Variants in RAB37 observed in about 807,000 individuals in gnomAD.
The protein encoded by RAB37 is RAB37, member RAS oncogene family.
RAB37 carries 29 observed loss-of-function variants against 33.1 expected under a neutral mutation model. The ratio of observed to expected loss-of-function variants is 0.88; its 90% CI spans 0.65 to 1.20. RAB37 has a LOEUF of 1.20. Among genes scored for constraint, RAB37 ranks in the 50% most tolerant of loss-of-function variants. RAB37 has a pLI of 0.00. For missense variants in RAB37, 299 were observed against 301.1 expected, an observed-to-expected ratio of 0.99 and a Z score of 0.05; for synonymous variants, 128 against 119.5, an observed-to-expected ratio of 1.07 and a Z score of -0.47.
chr17:74,695,247 G>A (rs2032319909), intron 1 of RAB37: 1 of 1,613,944 alleles, frequency 6.2e-7, no homozygotes, highest in East Asian at 2.2e-5. Flanking sequence ...CTTCGGCAAG[G>A]AAGCCTGCAG....
intron 1 of RAB37, among the ~76,000 whole-genome samples, chr17:74,709,192 C>G (rs2033771288): frequency 6.6e-6 from 1 of 151,708 alleles, no homozygotes; most frequent in African/African-American, 2.4e-5. Flanking sequence ...CCACTGCACT[C>G]CAGCCTGGAG....
At chr17:74,732,676 G>GTGTGATTTGATGTGTGTGT (rs2034403690), upstream of RAB37, among the ~76,000 whole-genome samples, 3 of 91,916 alleles carry the variant, frequency 3.3e-5, no homozygotes, top group African/African-American at 7.9e-5. Context: ...TGTGTATGTG[G>GTGTGATTTGATGTGTGTGT]CGTGAGATGT....
At chr17:74,692,641 AT>A (rs2032182183) in intron 1 of RAB37, among the ~76,000 whole-genome samples, 1 of 151,644 alleles carries the variant, frequency 6.6e-6, no homozygotes, top group African/African-American at 2.4e-5. Context: ...CCTCCCTACA[AT>A]CCCCCCATCC....
At chr17:74,740,353 C>G (rs2034582272) in intron 1 of RAB37, among the ~76,000 whole-genome samples, 1 of 152,230 alleles carries the variant, frequency 6.6e-6, no homozygotes, top group Non-Finnish European at 1.5e-5. Flanking sequence ...TAGCCCAGCC[C>G]ATGCGTGTAC....
intron 1 of RAB37, among the ~76,000 whole-genome samples, chr17:74,674,094 T>TGAA (rs946315122): frequency 6.6e-6 from 1 of 152,158 alleles, no homozygotes; most frequent in Non-Finnish European, 1.5e-5. Context: ...ATTCTTTTTT[T>TGAA]GAAGTGGGGT....
chr17:74,712,599 C>T (rs2034050142), intron 1 of RAB37, among the ~76,000 whole-genome samples: 1 of 152,206 alleles, frequency 6.6e-6, no homozygotes, highest in Non-Finnish European at 1.5e-5. Context: ...CATGATCAGC[C>T]CCTGGGGGTC....
intron 1 of RAB37, among the ~76,000 whole-genome samples, chr17:74,723,259 C>T (rs2034264293): frequency 6.6e-6 from 1 of 152,154 alleles, no homozygotes; most frequent in Non-Finnish European, 1.5e-5. Context: ...TTCCCCTTTG[C>T]CTTGATTGTC....
At chr17:74,717,034 C>T (rs2034173602) in intron 1 of RAB37, among the ~76,000 whole-genome samples, 1 of 152,164 alleles carries the variant, frequency 6.6e-6, no homozygotes, top group Admixed American at 6.5e-5. Context: ...GCTCAGGAGG[C>T]TGAGGCAGGA....
chr17:74,737,309 G>A lies in RAB37; in HGVS notation c.37G>A (p.Gly13Ser), dbSNP rs761750066. The change falls in exon 1 of 9, where the codon GGC becomes AGC. Residue 13 changes from glycine (G) to serine (S), a missense_variant. Gly to Ser is a moderately conservative substitution (Grantham distance 56, BLOSUM62 0). Coordinates refer to ENST00000392613, the MANE Select transcript of RAB37 (RefSeq NM_001006638.3). The part of the protein sequence containing the change: ...GTPGAVATRD[G>S]EAPERSPPCS... The stretch of plus-strand genomic sequence containing the variant: ...GCCAGGCGCCGTTGCCACCCGGGAT[G>A]GCGAGGCCCCCGAGCGCTCCCCGCC... 5 of 1,577,664 alleles carry A rather than the reference G, an allele frequency of 3.2e-6. No homozygotes were observed. The highest frequency in any genetic ancestry group is 4.3e-6 in the Non-Finnish European group (5 of 1,169,154).
intron 2 of RAB37, among the ~76,000 whole-genome samples, chr17:74,732,251 C>T (rs888344402): frequency 6.6e-6 from 1 of 152,184 alleles, no homozygotes; most frequent in African/African-American, 2.4e-5. Flanking sequence ...AGTAAAACCA[C>T]GTGGGGGGCC....
chr17:74,707,953 G>C (rs928479495), intron 1 of RAB37, among the ~76,000 whole-genome samples: 1 of 151,816 alleles, frequency 6.6e-6, no homozygotes, highest in African/African-American at 2.4e-5. Flanking sequence ...TTCAAGACCA[G>C]CCTGGCCAAC....
Position 74,745,072 on chromosome 17 carries a change from T to TG in RAB37, c.556dup (p.Ala186GlyfsTer16). The TG allele has an allele frequency of 4.3e-6, 7 of 1,614,186 alleles. No homozygotes were observed. Among genetic ancestry groups the TG allele is most frequent in the Non-Finnish European group, 5.9e-6 (7 of 1,180,028 alleles). Reference sequence around the variant, plus strand: ...GGCATGAATGTGGAGTTAGCCTTTCTGGCCATCGCCAAGTGAGAGCTGGGC... The same window carrying TG: ...GGCATGAATGTGGAGTTAGCCTTTCTGGGCCATCGCCAAGTGAGAGCTGGGC... On this transcript the variant is annotated frameshift_variant, in exon 8 of 9. Coordinates refer to ENST00000392613, the MANE Select transcript of RAB37 (RefSeq NM_001006638.3). LOFTEE classifies it high-confidence loss of function. The surrounding 1 kb of genome is among the most constrained non-coding windows in gnomAD (Gnocchi z 4.5).
At position 74,671,388 on chromosome 17, in the gene RAB37, C is replaced by A; in HGVS notation, c.-199C>A. The stretch of plus-strand genomic sequence containing the variant: ...TGTTCCTGGTGCTGAAACGCTCAGT[C>A]CTGGAAGAACGTGGCCGCCTGCCCG... On this transcript the variant is annotated 5_prime_UTR_variant, in exon 1 of 8. Coordinates refer to the RAB37 transcript ENST00000340415. The surrounding 1 kb of genome is among the most constrained non-coding windows in gnomAD (Gnocchi z 5.0). 1 of 596,814 alleles carries A rather than the reference C, an allele frequency of 1.7e-6. No individual in the cohort carries two copies. The highest frequency in any genetic ancestry group is 3.0e-6 in the Non-Finnish European group (1 of 336,442). 37.0% of individuals were successfully genotyped at this position (596,814 alleles called of 1,614,324 possible).
intron 1 of RAB37, chr17:74,705,067 CT>C: frequency 8.0e-6 from 5 of 621,448 alleles, no homozygotes; most frequent in Non-Finnish European, 1.2e-5. Context: ...TAATAACTTC[CT>C]GCAGTTCACC....
chr17:74,717,122 C>G (rs1158506422), intron 1 of RAB37, among the ~76,000 whole-genome samples: 1 of 152,002 alleles, frequency 6.6e-6, no homozygotes, highest in East Asian at 1.9e-4. Flanking sequence ...GCAACGAGAG[C>G]GAAACTCTGT....
At chr17:74,675,734 T>A (rs1032295145) in intron 1 of RAB37, among the ~76,000 whole-genome samples, 5 of 152,202 alleles carry the variant, frequency 3.3e-5, no homozygotes, top group African/African-American at 9.7e-5. Context: ...TGAAATTCAT[T>A]TATATGAAAA....
At chr17:74,715,291 T>A (rs1598300574) in intron 1 of RAB37, among the ~76,000 whole-genome samples, 2 of 152,280 alleles carry the variant, frequency 1.3e-5, no homozygotes, top group African/African-American at 4.8e-5. Context: ...TGAGTGGGTG[T>A]GCAGAGGGTT....
At chr17:74,701,224 CAGTCAATTAATT>C (rs1337238083) in intron 1 of RAB37, among the ~76,000 whole-genome samples, 1 of 152,218 alleles carries the variant, frequency 6.6e-6, no homozygotes, top group African/African-American at 2.4e-5. Context: ...AGAAATTCAT[CAGTCAATTAATT>C]GTGTCAACCC....
intron 4 of RAB37, 38 bp downstream of exon 4, chr17:74,743,233 C>A (rs1308591883): frequency 3.7e-6 from 6 of 1,613,676 alleles, no homozygotes; most frequent in Middle Eastern, 1.6e-4. Context: ...ACCCCAGCCC[C>A]TTGGTAGCAT....
Sources: allele counts gnomAD v4.1 joint callset (sites outside exome capture counted in the v4.1 genomes callset), GRCh38; gene constraint gnomAD v4.1.1; non-coding constraint Gnocchi (gnomAD v3.1); transcripts MANE v1.5; gene names NCBI Gene and HGNC (gene_info 2026-07-23, HGNC 2026-07-21).